DMD: variants seen among roughly 807,000 people sequenced by gnomAD.
DMD encodes the protein mutant dystrophin.
In DMD, 63 loss-of-function variants were observed where a neutral mutation model predicts 330.1. The ratio of observed to expected loss-of-function variants is 0.19; its 90% CI spans 0.16 to 0.24. DMD has a LOEUF of 0.24. Ranked by LOEUF, DMD falls within the 10% of genes least tolerant of loss-of-function variation. The pLI, the probability that DMD is intolerant of heterozygous loss-of-function variation, is 1.00. For synonymous variants in DMD, 1,223 were observed against 959.8 expected, an observed-to-expected ratio of 1.27 and a Z score of -5.07; for missense variants, 3,344 against 2,684.1, an observed-to-expected ratio of 1.25 and a Z score of -5.43.
At chrX:32,113,479 A>C (rs1450100077) in intron 44 of DMD, among the ~76,000 whole-genome samples, 1 of 112,013 alleles carries the variant, frequency 8.9e-6, no homozygotes, top group African/African-American at 3.2e-5. Context: ...GTTGCAATAA[A>C]ATACAGCAAA....
intron 41 of DMD, among the ~76,000 whole-genome samples, chrX:32,335,098 T>A (rs977601033): frequency 1.8e-5 from 2 of 111,391 alleles, no homozygotes; most frequent in Non-Finnish European, 3.8e-5. Context: ...ATGTGAAAAC[T>A]CTTTGTGAAT....
In DMD at chrX:31,811,304, T is replaced by C. The variant is rs139036316; in HGVS notation, c.7309+8671A>G. ...TGCCTTTCCTGTTAACCAGTGAGCA[T>C]TGTTGAAGGACCTGGCCTGGGACCA... is the stretch of plus-strand genomic sequence containing the variant. On this transcript the variant is annotated intron_variant, in intron 50 of 78. Transcript: ENST00000357033. Among the ~76,000 whole-genome samples the C allele has an allele frequency of 2.1e-3, 237 of 112,264 alleles. 1 individual carries two copies. In the Middle Eastern group the frequency reaches 0.032, roughly 15 times the overall value.
At chrX:33,085,597 A>T (rs2148273669) in intron 1 of DMD, among the ~76,000 whole-genome samples, 1 of 112,393 alleles carries the variant, frequency 8.9e-6, no homozygotes, top group Admixed American at 9.5e-5. Context: ...TCAAGAATTC[A>T]AAACAACCTC....
At chrX:32,713,895 T>C (rs1414842749) in intron 7 of DMD, among the ~76,000 whole-genome samples, 1 of 111,820 alleles carries the variant, frequency 8.9e-6, no homozygotes, top group Non-Finnish European at 1.9e-5. Context: ...TCAAATATTA[T>C]AGCTTAGCCT....
At chrX:32,632,422 C>T (rs1333534927) in intron 11 of DMD, among the ~76,000 whole-genome samples, 1 of 111,782 alleles carries the variant, frequency 8.9e-6, no homozygotes, top group Non-Finnish European at 1.9e-5. Context: ...GGACAGTGGC[C>T]CTCTTCTTAC....
At chrX:31,396,131 A>G (rs1198287518) in intron 60 of DMD, among the ~76,000 whole-genome samples, 2 of 95,293 alleles carry the variant, frequency 2.1e-5, no homozygotes, top group African/African-American at 8.5e-5. Flanking sequence ...GCTTCCAAAG[A>G]TGACAATTTT....
intron 7 of DMD, among the ~76,000 whole-genome samples, chrX:32,742,552 A>G (rs1035489574): frequency 1.8e-5 from 2 of 111,976 alleles, no homozygotes; most frequent in Non-Finnish European, 3.8e-5. Flanking sequence ...AGCATGAAAT[A>G]TTCAGAAGGG....
intron 55 of DMD, among the ~76,000 whole-genome samples, chrX:31,569,655 TATAC>T (rs2075696443): frequency 9.8e-6 from 1 of 101,917 alleles, no homozygotes; most frequent in African/African-American, 3.5e-5. Context: ...TATACGTATA[TATAC>T]GTATATATAC....
At chrX:32,669,271 T>G (rs1036672486) in intron 9 of DMD, among the ~76,000 whole-genome samples, 1 of 111,635 alleles carries the variant, frequency 9.0e-6, no homozygotes, top group Non-Finnish European at 1.9e-5. Context: ...AGCACACAAG[T>G]ATACTTCTAA....
At chrX:32,078,476 A>G (rs1348900364) in intron 44 of DMD, among the ~76,000 whole-genome samples, 1 of 112,286 alleles carries the variant, frequency 8.9e-6, no homozygotes, top group African/African-American at 3.2e-5. Context: ...ACTTGCCACC[A>G]TAATTACAAT....
chrX:31,714,152 C>A (rs943149029), intron 52 of DMD, among the ~76,000 whole-genome samples: 1 of 111,476 alleles, frequency 9.0e-6, no homozygotes, highest in African/African-American at 3.3e-5. Context: ...ATTTAGGAAG[C>A]ATTTGATGAC....
At chrX:32,992,002 G>T (rs1288577497) in intron 2 of DMD, among the ~76,000 whole-genome samples, 1 of 111,905 alleles carries the variant, frequency 8.9e-6, no homozygotes, top group Non-Finnish European at 1.9e-5. Flanking sequence ...AAACTATTAT[G>T]CCAGAACATG....
intron 55 of DMD, among the ~76,000 whole-genome samples, chrX:31,587,798 A>C (rs887049495): frequency 3.6e-5 from 4 of 111,650 alleles, no homozygotes; most frequent in African/African-American, 1.3e-4. Context: ...TTGACTGTAG[A>C]TAAGCTCCCA....
rs750945435 is a variant in DMD at position 32,089,725 on chromosome X, T to C, written c.6439-121211A>G. 5.3e-5 allele frequency among the ~76,000 whole-genome samples: 6 copies of C among 112,248 alleles called. No homozygotes were observed. In the South Asian group the frequency reaches 2.2e-3, roughly 41 times the overall value. ...TTAAGTTGAATCCATGTCTTTGCTA[T>C]TGTGAGTAGTGTTGCAATGAACATA... On this transcript the variant is annotated intron_variant, in intron 44 of 78. Transcript: ENST00000357033.
chrX:32,216,491 G>C (rs1041428744), intron 44 of DMD, among the ~76,000 whole-genome samples: 3 of 111,757 alleles, frequency 2.7e-5, no homozygotes, highest in Non-Finnish European at 5.6e-5. Flanking sequence ...CTACAAAATT[G>C]TCTTTAGGAA....
intron 12 of DMD, among the ~76,000 whole-genome samples, chrX:32,605,837 C>A (rs1352123299): frequency 9.1e-6 from 1 of 110,115 alleles, no homozygotes; most frequent in African/African-American, 3.3e-5. Context: ...ATTAAAACCA[C>A]AAGGAGATAT....
intron 7 of DMD, among the ~76,000 whole-genome samples, chrX:32,769,444 A>T (rs2073363686): frequency 8.9e-6 from 1 of 111,770 alleles, no homozygotes; most frequent in Non-Finnish European, 1.9e-5. Flanking sequence ...TTCAAGATGC[A>T]ATTTGGGTGG....
At chrX:33,292,033 A>G (rs891025949) in intron 1 of DMD, among the ~76,000 whole-genome samples, 6 of 111,375 alleles carry the variant, frequency 5.4e-5, no homozygotes, top group Admixed American at 9.6e-5. Flanking sequence ...ACTGCACAAG[A>G]CTTTCTATTT....
At chrX:32,730,846 C>A (rs1214472932) in intron 7 of DMD, among the ~76,000 whole-genome samples, 2 of 111,665 alleles carry the variant, frequency 1.8e-5, no homozygotes, top group Admixed American at 9.5e-5. Context: ...AGGAATAGAG[C>A]CTACCAGTGG....
Sources: gnomAD v4.1 joint callset for allele counts (sites outside exome capture counted in the v4.1 genomes callset) on GRCh38, gnomAD v4.1.1 for gene constraint, MANE v1.5 for transcripts, NCBI Gene and HGNC (gene_info 2026-07-23, HGNC 2026-07-21) for gene names.